The following ERG variants were observed in gnomAD, a reference collection of about 807,000 sequenced individuals.
ERG encodes transcriptional regulator ERG.
In ERG, 9 loss-of-function variants were observed where a neutral mutation model predicts 55.3. The observed-to-expected ratio is 0.16, with a 90% CI of 0.10 to 0.28. The LOEUF (loss-of-function observed/expected upper bound fraction) is 0.28. Ranked by LOEUF, ERG falls within the 10% of genes least tolerant of loss-of-function variation. ERG has a pLI of 1.00. For missense variants in ERG, 434 were observed against 631.6 expected, an observed-to-expected ratio of 0.69 and a Z score of 3.35; for synonymous variants, 223 against 237.3, an observed-to-expected ratio of 0.94 and a Z score of 0.55.
chr21:38,500,029 T>C (rs547478423), upstream of ERG, among the ~76,000 whole-genome samples: 1 of 141,020 alleles, frequency 7.1e-6, no homozygotes, highest in East Asian at 2.0e-4. Context: ...GCAGGCTGAT[T>C]AAAATTCTGT....
intron 1 of ERG, among the ~76,000 whole-genome samples, chr21:38,592,571 C>CTCTG (rs1555871066): frequency 2.7e-5 from 4 of 147,996 alleles, no homozygotes; most frequent in African/African-American, 1.0e-4. Context: ...TCTCCCTTCA[C>CTCTG]TGTGTGTGTG....
intron 1 of ERG, among the ~76,000 whole-genome samples, chr21:38,449,408 T>C (rs985742947): frequency 1.3e-5 from 2 of 152,212 alleles, no homozygotes; most frequent in African/African-American, 4.8e-5. Context: ...ACTGTAGTAT[T>C]GATTATTTCA....
rs1987464116 is a variant in ERG, at chr21:38,382,045, G to A, written c.*1358C>T. 1 of 1,059,688 alleles carries A rather than the reference G, an allele frequency of 9.4e-7. No homozygotes were observed. Among genetic ancestry groups the A allele is most frequent in the Middle Eastern group, 4.2e-4 (1 of 2,380 alleles). The allele number at this position is 1,059,688 out of a possible 1,614,324, so 65.6% of individuals were successfully genotyped here. On this transcript the variant is annotated 3_prime_UTR_variant, in exon 10 of 10. Transcript: ENST00000288319. ...TGTATAAATCTGATTTGCCATGCTAGGCCAAGCTTATTTTATTACATACAT... is the reference window on the plus strand; with the variant it reads ...TGTATAAATCTGATTTGCCATGCTAAGCCAAGCTTATTTTATTACATACAT...
At chr21:38,490,090 C>A (rs1263183639) in intron 1 of ERG, among the ~76,000 whole-genome samples, 1 of 152,206 alleles carries the variant, frequency 6.6e-6, no homozygotes, top group Admixed American at 6.5e-5. Flanking sequence ...CTGTTTTAAG[C>A]AATCTCCAAT....
upstream of ERG, among the ~76,000 whole-genome samples, chr21:38,586,224 T>C (rs1469388175): frequency 2.1e-5 from 2 of 96,322 alleles, no homozygotes; most frequent in African/African-American, 8.7e-5. Flanking sequence ...TATATATATA[T>C]ATATATATAT....
chr21:38,498,520 G>A (rs945877975), upstream of ERG: 4 of 1,424,194 alleles, frequency 2.8e-6, no homozygotes, highest in East Asian at 5.5e-5. The surrounding 1 kb of genome is among the most constrained non-coding windows in gnomAD (Gnocchi z 4.6). Flanking sequence ...CCAATGGCAG[G>A]AAGAGGTTTC....
At chr21:38,504,241 T>A (rs553369650) in intron 2 of ERG, among the ~76,000 whole-genome samples, 2 of 152,318 alleles carry the variant, frequency 1.3e-5, no homozygotes, top group Admixed American at 6.5e-5. Flanking sequence ...GCAATTTCCT[T>A]AATACTGAAG....
chr21:38,495,616 C>T (rs1306771226), intron 1 of ERG, among the ~76,000 whole-genome samples: 1 of 152,136 alleles, frequency 6.6e-6, no homozygotes, highest in South Asian at 2.1e-4. Flanking sequence ...CTTAAAAGGT[C>T]CGGGGAGAGG....
chr21:38,514,102 T>A (rs1429311625), intron 2 of ERG, among the ~76,000 whole-genome samples: 1 of 151,634 alleles, frequency 6.6e-6, no homozygotes, highest in Non-Finnish European at 1.5e-5. Context: ...ACTCCTATAA[T>A]TATTAAAGAC....
chr21:38,399,355 G>A (rs1364816132), intron 6 of ERG, among the ~76,000 whole-genome samples: 1 of 152,180 alleles, frequency 6.6e-6, no homozygotes, highest in Non-Finnish European at 1.5e-5. Flanking sequence ...ATTCTCTTTA[G>A]CTCCCTGGGC....
At chr21:38,566,503 C>T (rs151041425) in intron 2 of ERG, among the ~76,000 whole-genome samples, 22 of 152,292 alleles carry the variant, frequency 1.4e-4, no homozygotes, top group African/African-American at 4.3e-4. Context: ...TTATTGACTC[C>T]GATTCCTAAG....
intron 1 of ERG, among the ~76,000 whole-genome samples, chr21:38,467,495 G>A (rs1332486823): frequency 6.6e-6 from 1 of 152,170 alleles, no homozygotes; most frequent in Non-Finnish European, 1.5e-5. Context: ...GGGTGTGGAG[G>A]AGGAGGAGAG....
chr21:38,473,286 C>T (rs1298002838), intron 1 of ERG, among the ~76,000 whole-genome samples: 1 of 152,114 alleles, frequency 6.6e-6, no homozygotes, highest in East Asian at 1.9e-4. Flanking sequence ...CACACTCTGC[C>T]TAGGCAGGCG....
chr21:38,388,236 C>T (rs1987796364), intron 9 of ERG, among the ~76,000 whole-genome samples: 1 of 152,208 alleles, frequency 6.6e-6, no homozygotes, highest in Non-Finnish European at 1.5e-5. Flanking sequence ...GATAGATTCT[C>T]AGCTGCTCTG....
rs144473252 is a variant in ERG, at chr21:38,632,669, C to T, written c.-150+28989G>A. 1.7e-3 allele frequency among the ~76,000 whole-genome samples: 258 copies of T among 152,330 alleles called. 7 individuals carry two copies. In the East Asian group the frequency reaches 0.047, roughly 28 times the overall value. ...TGTGACTTTCCTCCTCCTTTGCCTT[C>T]CACCATGATTGTGAGGCCTCCCCAG... On this transcript the variant is annotated intron_variant, in intron 1 of 10. Transcript: ENST00000398910.
At chr21:38,539,765 C>G (rs13049491) in intron 2 of ERG, among the ~76,000 whole-genome samples, 85 of 152,116 alleles carry the variant, frequency 5.6e-4, no homozygotes, top group South Asian at 1.0e-3. Context: ...AGGGACTGAC[C>G]GTAAGCATAG....
intron 1 of ERG, among the ~76,000 whole-genome samples, chr21:38,658,965 A>C (rs1317436130): frequency 6.6e-6 from 1 of 152,264 alleles, no homozygotes; most frequent in East Asian, 1.9e-4. Context: ...TCCTCATGAA[A>C]TAACAGATAA....
chr21:38,408,850 G>A (rs139043531), intron 3 of ERG, among the ~76,000 whole-genome samples: 35 of 152,270 alleles, frequency 2.3e-4, no homozygotes, highest in East Asian at 1.7e-3. Context: ...AGCCCCAGCC[G>A]AGGCATCACC....
At chr21:38,579,926 T>G (rs2060018297) in intron 1 of ERG, among the ~76,000 whole-genome samples, 1 of 151,856 alleles carries the variant, frequency 6.6e-6, no homozygotes, top group Admixed American at 6.6e-5. Flanking sequence ...GTTCACACCA[T>G]TCTCCTGCCT....
Sources: gnomAD v4.1 joint callset for allele counts (sites outside exome capture counted in the v4.1 genomes callset) on GRCh38, gnomAD v4.1.1 for gene constraint, Gnocchi (gnomAD v3.1) non-coding constraint, MANE v1.5 for transcripts, NCBI Gene and HGNC (gene_info 2026-07-23, HGNC 2026-07-21) for gene names.